The following CHD5 variants were observed in gnomAD, a reference collection of about 807,000 sequenced individuals.
The protein encoded by CHD5 is ATP-dependent chromatin remodeler CHD5.
CHD5 carries 69 observed loss-of-function variants against 230.3 expected under a neutral mutation model. The observed-to-expected ratio is 0.30, with a 90% CI of 0.25 to 0.37. The LOEUF (loss-of-function observed/expected upper bound fraction) is 0.37, where lower values mean the gene tolerates loss of function less well. Ranked by LOEUF, CHD5 falls within the 10% of genes least tolerant of loss-of-function variation. CHD5 has a pLI of 1.00. For synonymous variants in CHD5, 1,064 were observed against 1,065.9 expected, an observed-to-expected ratio of 1.00 and a Z score of 0.03; for missense variants, 1,827 against 2,622.8, an observed-to-expected ratio of 0.70 and a Z score of 6.63.
chr1:6,103,523 AC>A lies in CHD5; in HGVS notation c.*1950del, dbSNP rs1472129333. On this transcript the variant is annotated 3_prime_UTR_variant, in exon 42 of 42. Coordinates refer to ENST00000262450, the MANE Select transcript of CHD5 (RefSeq NM_015557.3). ...CCAAGGAAGGTGGGCACTGCTCCCA[AC>A]GAGGGCCAACCCCAGTGCTTGCCAC... 1 of 152,464 alleles carries A rather than the reference AC, an allele frequency of 6.6e-6. No individual in the cohort carries two copies. The highest frequency in any genetic ancestry group is 2.4e-5 in the African/African-American group (1 of 41,470). 9.4% of individuals were successfully genotyped at this position (152,464 alleles called of 1,614,324 possible). A position where few individuals can be genotyped will look rare whatever the true frequency, so the allele number is the denominator to read the frequency against.
Position 6,134,967 on chromosome 1 carries a change from A to C in CHD5, c.2871-108T>G. On this transcript the variant is annotated intron_variant, in intron 18 of 41. Transcript: ENST00000262450. This position sits in a 1 kb window ranked among gnomAD's most constrained non-coding sequence, Gnocchi z 6.3. ...CTGGTGGCCAAGCACCCATTTACAG[A>C]GAGACCCAAGGGACCCCCAAGAGGT... The C allele has an allele frequency of 7.1e-7, 1 of 1,402,978 alleles. No individual in the cohort carries two copies. The highest frequency in any genetic ancestry group is 9.9e-7 in the Non-Finnish European group (1 of 1,013,142). The allele number at this position is 1,402,978 out of a possible 1,614,324, so 86.9% of individuals were successfully genotyped here.
intron 1 of CHD5, among the ~76,000 whole-genome samples, chr1:6,175,058 G>A (rs1005805161): frequency 6.6e-5 from 10 of 151,062 alleles, no homozygotes; most frequent in African/African-American, 2.4e-4. Context: ...TGGATGAATG[G>A]TGGATGAATG....
At chr1:6,174,276 G>C (rs551418119) in intron 1 of CHD5, among the ~76,000 whole-genome samples, 1 of 152,254 alleles carries the variant, frequency 6.6e-6, no homozygotes, top group East Asian at 1.9e-4. Flanking sequence ...TAAGGACAGA[G>C]CCACAGAGAT....
At position 6,155,864 on chromosome 1, in the gene CHD5, T is replaced by C; in HGVS notation, c.388-147A>G. ...GTAACCAGACCATTCTCACCCACCC[T>C]AGGAAACATTCAAGCCCTGCAGCCC... On this transcript the variant is annotated intron_variant, in intron 3 of 41. Transcript: ENST00000262450. This position sits in a 1 kb window ranked among gnomAD's most constrained non-coding sequence, Gnocchi z 4.0. 1.6e-6 allele frequency: 1 copy of C among 629,920 alleles called. No homozygotes were observed. Among genetic ancestry groups the C allele is most frequent in the South Asian group, 1.9e-5 (1 of 53,178 alleles). 39.0% of individuals were successfully genotyped at this position (629,920 alleles called of 1,614,324 possible).
At chr1:6,164,903 G>T (rs946766942) in intron 2 of CHD5, among the ~76,000 whole-genome samples, 1 of 152,082 alleles carries the variant, frequency 6.6e-6, no homozygotes, top group Non-Finnish European at 1.5e-5. Context: ...GAGGGTACAG[G>T]GGGAAGAGAG....
rs868333734 is a variant in CHD5, at chr1:6,105,403, C to G, written c.*71G>C. The G allele has an allele frequency of 4.3e-6, 2 of 470,556 alleles. No homozygotes were observed. Among genetic ancestry groups the G allele is most frequent in the African/African-American group, 4.0e-5 (2 of 50,080 alleles). The allele number at this position is 470,556 out of a possible 1,614,324, so 29.1% of individuals were successfully genotyped here. A position where few individuals can be genotyped will look rare whatever the true frequency, so the allele number is the denominator to read the frequency against. On this transcript the variant is annotated 3_prime_UTR_variant, in exon 42 of 42. Transcript: ENST00000262450. This position sits in a 1 kb window ranked among gnomAD's most constrained non-coding sequence, Gnocchi z 4.8. ...GGCAGCTTTTCTCTCCCATGTGGGTCGGGCAGGTGGCCCGGCAGGCGTGGC... is the reference window on the plus strand; with the variant it reads ...GGCAGCTTTTCTCTCCCATGTGGGTGGGGCAGGTGGCCCGGCAGGCGTGGC...
In CHD5 at chr1:6,132,311, A is replaced by G. The variant is rs186637195; in HGVS notation, c.3145-563T>C. On this transcript the variant is annotated intron_variant, in intron 20 of 41. Coordinates refer to ENST00000262450, the MANE Select transcript of CHD5 (RefSeq NM_015557.3). ...CACATTTTCCCTCAGTGCACCGGAG[A>G]TTTTGCCATGGTCTCTGCCACCTGT... Among the ~76,000 whole-genome samples the G allele has an allele frequency of 1.4e-4, 22 of 152,250 alleles. 1 individual carries two copies. The East Asian group carries it at 3.1e-3, about 21-fold the overall frequency.
At chr1:6,152,736 C>A (rs1043756802) in intron 5 of CHD5, among the ~76,000 whole-genome samples, 200 bp from the exon 6 acceptor site, 2 of 152,224 alleles carry the variant, frequency 1.3e-5, no homozygotes, top group Admixed American at 1.3e-4. Flanking sequence ...AACCAGATGA[C>A]GGCTCTGACT....
intron 7 of CHD5, 65 bp from the exon 8 acceptor site, chr1:6,149,477 T>TA: frequency 6.6e-7 from 1 of 1,516,580 alleles, no homozygotes; most frequent in Non-Finnish European, 9.0e-7. Flanking sequence ...ACCAACTGCA[T>TA]CGCCCCAGGC....
Position 6,155,739 on chromosome 1 carries a change from G to A in CHD5, c.388-22C>T. ...GCTCCTACAGAGACCCAGGCCAGAGGTAGAGTTGTTGAGGGGCCTTCTGAC... is the reference window on the plus strand; with the variant it reads ...GCTCCTACAGAGACCCAGGCCAGAGATAGAGTTGTTGAGGGGCCTTCTGAC... On this transcript the variant is annotated intron_variant, in intron 3 of 41. Transcript: ENST00000262450. The surrounding 1 kb of genome is among the most constrained non-coding windows in gnomAD (Gnocchi z 4.0). The A allele has an allele frequency of 1.9e-6, 3 of 1,601,826 alleles. No homozygotes were observed. Among genetic ancestry groups the A allele is most frequent in the Non-Finnish European group, 2.6e-6 (3 of 1,169,262 alleles).
Position 6,130,289 on chromosome 1 carries a change from C to T in CHD5, c.3302G>A (p.Arg1101Gln). Residue 1101 changes from arginine to glutamine, a missense_variant, in exon 22 of 42, where the codon CGG becomes CAG. Coordinates refer to ENST00000262450, the MANE Select transcript of CHD5 (RefSeq NM_015557.3). The surrounding 1 kb of genome is among the most constrained non-coding windows in gnomAD (Gnocchi z 4.9). ...AQQFCFLLST[R>Q]AGGLGINLAT... Reference sequence around the variant, plus strand: ...CAGGTTGATGCCCAGACCACCTGCCCGGGTTGAGAGGAGGAAGCAGAACTG... The same window carrying T: ...CAGGTTGATGCCCAGACCACCTGCCTGGGTTGAGAGGAGGAAGCAGAACTG... 6.2e-7 allele frequency: 1 copy of T among 1,613,606 alleles called. No homozygotes were observed. The highest frequency in any genetic ancestry group is 8.5e-7 in the Non-Finnish European group (1 of 1,179,904).
At chr1:6,123,596 T>C (rs1357384093) in intron 31 of CHD5, among the ~76,000 whole-genome samples, 1 of 151,976 alleles carries the variant, frequency 6.6e-6, no homozygotes, top group Non-Finnish European at 1.5e-5. Flanking sequence ...CCGGCTAATC[T>C]TTTGTATTTT....
At chr1:6,147,377 G>A (rs1368674964) in intron 9 of CHD5, among the ~76,000 whole-genome samples, 1 of 152,204 alleles carries the variant, frequency 6.6e-6, no homozygotes, top group South Asian at 2.1e-4. Context: ...CCCGGGGCAG[G>A]GCTGCACCCA....
chr1:6,175,948 G>A (rs1171280554), intron 1 of CHD5, among the ~76,000 whole-genome samples: 1 of 151,946 alleles, frequency 6.6e-6, no homozygotes, highest in African/African-American at 2.4e-5. Context: ...GGCGGATGGT[G>A]AACGGTTACT....
rs536005434 is a variant in CHD5, at chr1:6,128,438, C to T, written c.3730+61G>A. ...GTGAGGGCAGGTCAGGGAACCCCTC[C>T]TCTGCAGGAGCAGCCACCTGGTCGG... On this transcript the variant is annotated intron_variant, in intron 24 of 41. Coordinates refer to ENST00000262450, the MANE Select transcript of CHD5 (RefSeq NM_015557.3). The surrounding 1 kb of genome is among the most constrained non-coding windows in gnomAD (Gnocchi z 7.8). The T allele has an allele frequency of 7.1e-7, 1 of 1,412,720 alleles. No individual in the cohort carries two copies. Among genetic ancestry groups the T allele is most frequent in the African/African-American group, 1.4e-5 (1 of 70,906 alleles). 87.5% of individuals were successfully genotyped at this position (1,412,720 alleles called of 1,614,324 possible).
In CHD5 at chr1:6,125,986, C is replaced by A; in HGVS notation, c.4079-128G>T. 1.5e-6 allele frequency: 1 copy of A among 686,272 alleles called. No individual in the cohort carries two copies. The highest frequency in any genetic ancestry group is 2.6e-6 in the Non-Finnish European group (1 of 385,864). 42.5% of individuals were successfully genotyped at this position (686,272 alleles called of 1,614,324 possible). On this transcript the variant is annotated intron_variant, in intron 26 of 41. Coordinates refer to ENST00000262450, the MANE Select transcript of CHD5 (RefSeq NM_015557.3). The surrounding 1 kb of genome is among the most constrained non-coding windows in gnomAD (Gnocchi z 6.7). ...TCCATAAAAAAGCAGTGACAATGGC[C>A]CACATACTTCCTGTGGGCTCATTTA... is the stretch of plus-strand genomic sequence containing the variant.
At chr1:6,162,918 G>A (rs1403985969) in intron 2 of CHD5, among the ~76,000 whole-genome samples, 2 of 152,158 alleles carry the variant, frequency 1.3e-5, no homozygotes, top group Non-Finnish European at 2.9e-5. Context: ...CAGTCCCCTC[G>A]GCGACCTGCA....
chr1:6,168,790 G>A (rs1002076299), intron 1 of CHD5, among the ~76,000 whole-genome samples: 6 of 152,188 alleles, frequency 3.9e-5, no homozygotes, highest in Non-Finnish European at 7.4e-5. Flanking sequence ...AGGCTGAGGC[G>A]AGCAGATAAC....
At chr1:6,137,949 G>A (rs12562377) in intron 15 of CHD5, among the ~76,000 whole-genome samples, 21,774 of 151,228 alleles carry the variant, frequency 0.14, 1,792 homozygotes, top group East Asian at 0.39. Flanking sequence ...TGGGGGCCTG[G>A]ACCTGGGTGC....
Sources: allele counts gnomAD v4.1 joint callset (sites outside exome capture counted in the v4.1 genomes callset), GRCh38; gene constraint gnomAD v4.1.1; non-coding constraint Gnocchi (gnomAD v3.1); transcripts MANE v1.5; gene names NCBI Gene and HGNC (gene_info 2026-07-23, HGNC 2026-07-21).